The following ANTXR1 variants were observed in gnomAD, a reference collection of about 807,000 sequenced individuals.
ANTXR1 encodes anthrax toxin receptor 1.
Under a neutral mutation model 78.1 loss-of-function variants are expected in ANTXR1, and 19 were observed. The ratio of observed to expected loss-of-function variants is 0.24; its 90% CI spans 0.17 to 0.36. The LOEUF (loss-of-function observed/expected upper bound fraction) is 0.36, where lower values mean the gene tolerates loss of function less well. Ranked by LOEUF, ANTXR1 falls within the 10% of genes least tolerant of loss-of-function variation. The pLI, the probability that ANTXR1 is intolerant of heterozygous loss-of-function variation, is 1.00. For synonymous variants in ANTXR1, 273 were observed against 260.5 expected, an observed-to-expected ratio of 1.05 and a Z score of -0.46; for missense variants, 518 against 718.6, an observed-to-expected ratio of 0.72 and a Z score of 3.19.
intron 16 of ANTXR1, among the ~76,000 whole-genome samples, chr2:69,190,732 A>G (rs1674525646): frequency 6.6e-6 from 1 of 152,130 alleles, no homozygotes; most frequent in Non-Finnish European, 1.5e-5. Context: ...TAAACACTAC[A>G]CTGTAGGGTG....
intron 2 of ANTXR1, among the ~76,000 whole-genome samples, 181 bp downstream of exon 2, chr2:69,040,296 A>G (rs769462305): frequency 3.9e-5 from 6 of 152,238 alleles, no homozygotes; most frequent in Non-Finnish European, 8.8e-5. Context: ...TTAGAATAAC[A>G]TTTGGCTTTA....
At chr2:69,027,251 T>C (rs1671372047) in intron 1 of ANTXR1, among the ~76,000 whole-genome samples, 1 of 152,186 alleles carries the variant, frequency 6.6e-6, no homozygotes, top group Non-Finnish European at 1.5e-5. Flanking sequence ...ATGACTGTGA[T>C]CCTGTCCAGC....
chr2:69,054,162 G>T (rs1239518335), intron 3 of ANTXR1, among the ~76,000 whole-genome samples: 1 of 131,110 alleles, frequency 7.6e-6, no homozygotes, highest in African/African-American at 3.9e-5. Context: ...TTTATTATAT[G>T]TATTATCAAA....
chr2:69,091,801 T>A (rs536314659), intron 9 of ANTXR1, among the ~76,000 whole-genome samples: 6 of 152,318 alleles, frequency 3.9e-5, no homozygotes, highest in African/African-American at 9.6e-5. Flanking sequence ...AATAAGGAAG[T>A]CTCTATGTAA....
chr2:69,117,933 C>T (rs1233406913), intron 10 of ANTXR1, among the ~76,000 whole-genome samples: 1 of 152,076 alleles, frequency 6.6e-6, no homozygotes, highest in South Asian at 2.1e-4. Context: ...AAGTCTGGGG[C>T]GTTTAGCACT....
chr2:69,201,727 G>A (rs550297732), intron 17 of ANTXR1, among the ~76,000 whole-genome samples: 3 of 152,334 alleles, frequency 2.0e-5, no homozygotes, highest in Admixed American at 1.3e-4. Context: ...AGGACCTCCA[G>A]GATTTGGCCC....
chr2:69,025,440 A>G (rs1671312135), intron 1 of ANTXR1, among the ~76,000 whole-genome samples: 1 of 152,134 alleles, frequency 6.6e-6, no homozygotes. Context: ...TTTTCCCCTG[A>G]TGCTTAATGA....
intron 8 of ANTXR1, among the ~76,000 whole-genome samples, chr2:69,081,436 G>C (rs1307421218): frequency 6.6e-6 from 1 of 152,192 alleles, no homozygotes; most frequent in East Asian, 1.9e-4. Context: ...TCTCCTTCAA[G>C]AGGAAGTACT....
chr2:69,013,271 A>T lies in ANTXR1; in HGVS notation c.-229A>T, dbSNP rs1670917765. The T allele has an allele frequency of 1.6e-6, 1 of 642,642 alleles. No individual in the cohort carries two copies. Among genetic ancestry groups the T allele is most frequent in the Non-Finnish European group, 2.7e-6 (1 of 373,406 alleles). The allele number at this position is 642,642 out of a possible 1,614,324, so 39.8% of individuals were successfully genotyped here. On this transcript the variant is annotated 5_prime_UTR_variant, in exon 1 of 18. Coordinates refer to ENST00000303714, the MANE Select transcript of ANTXR1 (RefSeq NM_032208.3). The surrounding 1 kb of genome is among the most constrained non-coding windows in gnomAD (Gnocchi z 5.0). ...CAGCCCTCCCCTTTAAAAGAAGCGG[A>T]GGACAGGATTGGGATCCTTGAAACC... is the stretch of plus-strand genomic sequence containing the variant.
chr2:69,188,035 A>G (rs1174554781), intron 16 of ANTXR1, among the ~76,000 whole-genome samples: 1 of 29,454 alleles, frequency 3.4e-5, no homozygotes, highest in Admixed American at 3.3e-4. Context: ...GCTGCCTGGC[A>G]AAAAAAAAAA....
intron 2 of ANTXR1, among the ~76,000 whole-genome samples, chr2:69,044,377 T>C (rs1244137797): frequency 6.6e-6 from 1 of 152,108 alleles, no homozygotes; most frequent in East Asian, 1.9e-4. Context: ...ATTATCAAAT[T>C]TTACCTATCG....
intron 8 of ANTXR1, among the ~76,000 whole-genome samples, chr2:69,082,316 T>C (rs1670920471): frequency 6.6e-6 from 1 of 152,192 alleles, no homozygotes; most frequent in Admixed American, 6.5e-5. Flanking sequence ...TGCACAGGAC[T>C]CTACCTCTGA....
chr2:69,083,158 G>A (rs1228872316), intron 8 of ANTXR1, among the ~76,000 whole-genome samples: 1 of 152,184 alleles, frequency 6.6e-6, no homozygotes, highest in Non-Finnish European at 1.5e-5. Flanking sequence ...GGTGAAATCT[G>A]TCTTCCAGGC....
At chr2:69,156,173 T>C (rs1370950942) in intron 13 of ANTXR1, among the ~76,000 whole-genome samples, 1 of 152,106 alleles carries the variant, frequency 6.6e-6, no homozygotes, top group African/African-American at 2.4e-5. Context: ...TAAGAACTCC[T>C]CCCAAACTGC....
chr2:69,238,188 C>A (rs754949880), intron 17 of ANTXR1, among the ~76,000 whole-genome samples: 1 of 152,202 alleles, frequency 6.6e-6, no homozygotes, highest in Non-Finnish European at 1.5e-5. Context: ...GAGAGAGAAT[C>A]TGATTGGTCT....
intron 17 of ANTXR1, among the ~76,000 whole-genome samples, chr2:69,204,106 T>G (rs774604828): frequency 1.3e-5 from 2 of 152,204 alleles, no homozygotes; most frequent in Non-Finnish European, 2.9e-5. Flanking sequence ...ACTTGGCTTC[T>G]GCGGGCCTGC....
chr2:69,027,532 C>A (rs866882516), intron 1 of ANTXR1, among the ~76,000 whole-genome samples: 3 of 152,118 alleles, frequency 2.0e-5, no homozygotes, highest in Middle Eastern at 3.4e-3. Flanking sequence ...ACTGATGGAA[C>A]AACAACATGA....
chr2:69,095,840 A>T (rs891790096), intron 9 of ANTXR1, among the ~76,000 whole-genome samples: 3 of 152,240 alleles, frequency 2.0e-5, no homozygotes, highest in Non-Finnish European at 4.4e-5. Context: ...GTTTCCACTA[A>T]GATATTAATG....
intron 9 of ANTXR1, among the ~76,000 whole-genome samples, chr2:69,095,613 A>G (rs900187304): frequency 6.6e-6 from 1 of 152,176 alleles, no homozygotes; most frequent in African/African-American, 2.4e-5. Flanking sequence ...GGAGACCACC[A>G]TGGAGGGGTT....
Sources: gnomAD v4.1 joint callset for allele counts (sites outside exome capture counted in the v4.1 genomes callset) on GRCh38, gnomAD v4.1.1 for gene constraint, Gnocchi (gnomAD v3.1) non-coding constraint, MANE v1.5 for transcripts, NCBI Gene and HGNC (gene_info 2026-07-23, HGNC 2026-07-21) for gene names.